EXOC3L2: variants seen among roughly 807,000 people sequenced by gnomAD.
EXOC3L2 encodes exocyst complex component 3 like 2, also known as exocyst complex component 3-like protein 2.
In EXOC3L2, 17 loss-of-function variants were observed where a neutral mutation model predicts 44.4. The observed-to-expected ratio is 0.38, with a 90% CI of 0.26 to 0.57. The LOEUF (loss-of-function observed/expected upper bound fraction) is 0.57. Ranked by LOEUF, EXOC3L2 falls within the 20% of genes least tolerant of loss-of-function variation. The pLI, the probability that EXOC3L2 is intolerant of heterozygous loss-of-function variation, is 0.65. For synonymous variants in EXOC3L2, 256 were observed against 253.7 expected (o/e 1.01, Z -0.09); for missense variants, 541 against 588.4 (o/e 0.92, Z 0.83).
At chr19:45,223,757 C>T (rs184865791) in intron 8 of EXOC3L2, among the ~76,000 whole-genome samples, 5 of 150,076 alleles carry the variant, frequency 3.3e-5, no homozygotes, top group African/African-American at 1.2e-4. Flanking sequence ...TTTGGGAGGC[C>T]GAGGTGGGCA....
chr19:45,230,739 C>T (rs1043475047), intron 4 of EXOC3L2, among the ~76,000 whole-genome samples: 1 of 152,104 alleles, frequency 6.6e-6, no homozygotes. Flanking sequence ...TTCTGTGTTT[C>T]AAGAACTCCA....
In EXOC3L2 at chr19:45,212,985, C is replaced by CAG; in HGVS notation, c.*82_*83dup. On this transcript the variant is annotated 3_prime_UTR_variant, in exon 12 of 12. Coordinates refer to ENST00000413988, the MANE Select transcript of EXOC3L2 (RefSeq NM_001382422.1). ...TATCCCAGGGGTGTGTGGTCCCAGG[C>CAG]AGGGAGTCAGGAGGGGCGCCGTACG... 1 of 1,369,092 alleles carries CAG rather than the reference C, an allele frequency of 7.3e-7. No individual in the cohort carries two copies. Among genetic ancestry groups the CAG allele is most frequent in the Non-Finnish European group, 9.5e-7 (1 of 1,054,200 alleles). 84.8% of individuals were successfully genotyped at this position (1,369,092 alleles called of 1,614,324 possible).
At chr19:45,230,231 G>T (rs1003238174) in intron 4 of EXOC3L2, among the ~76,000 whole-genome samples, 1 of 151,316 alleles carries the variant, frequency 6.6e-6, no homozygotes, top group Non-Finnish European at 1.5e-5. Context: ...GTTTTGTTTT[G>T]TTTTTGAGAT....
rs1001941007 is a variant in EXOC3L2 at position 45,224,911 on chromosome 19, G to C, written c.1586C>G (p.Ala529Gly). The change falls in exon 8 of 12, where the codon GCT becomes GGT. Residue 529 changes from alanine to glycine, a missense_variant and splice_region_variant. Ala to Gly is a moderately conservative substitution (Grantham distance 60). Transcript: ENST00000413988. ...ALVNCGPPLR[A>G]LAERLARVGP... is the part of the protein sequence containing the mutation. The stretch of plus-strand genomic sequence containing the variant: ...CACCCGGGCCAGGCGCTCGGCCAGA[G>C]CTCTGTGGGGATCAACAGAGCCAAA... The C allele has an allele frequency of 1.3e-6, 2 of 1,528,832 alleles. No individual in the cohort carries two copies. The highest frequency in any genetic ancestry group is 1.3e-5 in the South Asian group (1 of 78,558). 94.7% of individuals were successfully genotyped at this position (1,528,832 alleles called of 1,614,324 possible).
At chr19:45,217,783 A>T (rs1428779185) in intron 9 of EXOC3L2, 100 bp from the exon 10 acceptor site, 1 of 1,309,528 alleles carries the variant, frequency 7.6e-7, no homozygotes, top group Non-Finnish European at 9.8e-7. Context: ...GCCCACATCC[A>T]CTCCGGGCAC....
chr19:45,242,291 A>C lies in EXOC3L2; in HGVS notation c.-17+3050T>G, dbSNP rs56170530. On this transcript the variant is annotated intron_variant, in intron 1 of 11. Coordinates refer to ENST00000413988, the MANE Select transcript of EXOC3L2 (RefSeq NM_001382422.1). ...TGTTGCTTTTGTCTTTAGAGACAGG[A>C]TCTCACTCTGTTGCCCAGGCTGGAG... Among the ~76,000 whole-genome samples the C allele has an allele frequency of 7.8e-3, 1,191 of 152,198 alleles. 22 individuals are homozygous for C. The highest frequency in any genetic ancestry group is 0.027 in the African/African-American group (1,125 of 41,534).
rs1969789370 is a variant in EXOC3L2 at position 45,212,806 on chromosome 19, C to G, written c.*263G>C. On this transcript the variant is annotated 3_prime_UTR_variant, in exon 12 of 12. Transcript: ENST00000413988. Reference sequence around the variant, plus strand: ...ATAGGGGGCAGGTCTCACTATGTTGCCCAGGCTGGTCTTGAACTCCTGGGC... The same window carrying G: ...ATAGGGGGCAGGTCTCACTATGTTGGCCAGGCTGGTCTTGAACTCCTGGGC... 2.4e-6 allele frequency: 1 copy of G among 408,338 alleles called. No individual in the cohort carries two copies. The highest frequency in any genetic ancestry group is 4.3e-6 in the Non-Finnish European group (1 of 233,382). 25.3% of individuals were successfully genotyped at this position (408,338 alleles called of 1,614,324 possible).
At chr19:45,240,902 T>C (rs528302268) in intron 1 of EXOC3L2, among the ~76,000 whole-genome samples, 126 of 152,114 alleles carry the variant, frequency 8.3e-4, no homozygotes, top group Non-Finnish European at 1.5e-3. Flanking sequence ...AGACTCAGTC[T>C]CAAAAAATAA....
intron 8 of EXOC3L2, among the ~76,000 whole-genome samples, chr19:45,220,644 C>T (rs1392200107): frequency 6.6e-6 from 1 of 151,782 alleles, no homozygotes; most frequent in Non-Finnish European, 1.5e-5. Context: ...GGGGTTTATT[C>T]CAGGCATAAG....
Position 45,234,504 on chromosome 19 carries a change from G to A in EXOC3L2, c.846C>T (p.Ala282=). ...CGGCCCAGCGTGCGCGTAGTTTGCGGGCCGCCCCGGGACCCCGACGCCCGT... is the reference window on the plus strand; with the variant it reads ...CGGCCCAGCGTGCGCGTAGTTTGCGAGCCGCCCCGGGACCCCGACGCCCGT... ...AADGRRGPGA[A]RKLRARWAEA... Residue 282 remains alanine (A), a synonymous_variant, in exon 3 of 12, where the codon GCC becomes GCT. Coordinates refer to ENST00000413988, the MANE Select transcript of EXOC3L2 (RefSeq NM_001382422.1). This position sits in a 1 kb window ranked among gnomAD's most constrained non-coding sequence, Gnocchi z 5.0. 4.1e-6 allele frequency: 1 copy of A among 246,302 alleles called. No individual in the cohort carries two copies. The allele number at this position is 246,302 out of a possible 1,614,324, so 15.3% of individuals were successfully genotyped here.
At chr19:45,230,458 T>C (rs910832412) in intron 4 of EXOC3L2, among the ~76,000 whole-genome samples, 18 of 152,252 alleles carry the variant, frequency 1.2e-4, no homozygotes, top group African/African-American at 4.3e-4. Context: ...GACCTCGTGA[T>C]CCACCCGCCT....
chr19:45,217,818 C>A, intron 9 of EXOC3L2, 135 bp from the exon 10 acceptor site: 1 of 1,051,512 alleles, frequency 9.5e-7, no homozygotes, highest in Non-Finnish European at 1.3e-6. Flanking sequence ...CCCGTGCCCA[C>A]GCCCCAGTCC....
At chr19:45,227,928 T>A in intron 6 of EXOC3L2, 46 bp downstream of exon 6, 3 of 1,591,618 alleles carry the variant, frequency 1.9e-6, no homozygotes, top group Non-Finnish European at 2.6e-6. Context: ...CAGGCCCTGA[T>A]GCCCAACCCC....
chr19:45,218,158 T>A, intron 9 of EXOC3L2, 39 bp downstream of exon 9: 1 of 1,034,898 alleles, frequency 9.7e-7, no homozygotes, highest in Non-Finnish European at 1.3e-6. Flanking sequence ...TCCCCTCTTT[T>A]CCCCCACCCC....
Position 45,217,626 on chromosome 19 carries a change from G to C in EXOC3L2, c.1900C>G (p.Arg634Gly). ...GCCGAGCTGCAGCGCAGGCGCCCACGGAGCAGGGGCCGCACGTACTCGACC... is the reference window on the plus strand; with the variant it reads ...GCCGAGCTGCAGCGCAGGCGCCCACCGAGCAGGGGCCGCACGTACTCGACC... Reference protein sequence around the residue: ...ALVEYVRPLLRGRLRCSSART... With the variant: ...ALVEYVRPLLGGRLRCSSART... The change falls in exon 10 of 12, where the codon CGT (arginine) becomes GGT (glycine). Residue 634 changes from arginine (R) to glycine (G), a missense_variant. By Grantham distance (125) the Arg-to-Gly change is moderately radical. Coordinates refer to ENST00000413988, the MANE Select transcript of EXOC3L2 (RefSeq NM_001382422.1). The C allele has an allele frequency of 6.7e-7, 1 of 1,490,634 alleles. No homozygotes were observed. The highest frequency in any genetic ancestry group is 1.3e-5 in the South Asian group (1 of 77,100). The allele number at this position is 1,490,634 out of a possible 1,614,324, so 92.3% of individuals were successfully genotyped here.
At position 45,226,747 on chromosome 19, in the gene EXOC3L2, C is replaced by CTTTTT. The variant is rs957385712; in HGVS notation, c.1583+910_1583+914dup. 1.1e-3 allele frequency among the ~76,000 whole-genome samples: 98 copies of CTTTTT among 90,646 alleles called. 8 individuals are homozygous for CTTTTT. Among genetic ancestry groups the CTTTTT allele is most frequent in the African/African-American group, 4.1e-3 (67 of 16,268 alleles). 59.5% of individuals were successfully genotyped at this position (90,646 alleles called of 152,430 possible). A position where few individuals can be genotyped will look rare whatever the true frequency, so the allele number is the denominator to read the frequency against. On this transcript the variant is annotated intron_variant, in intron 7 of 11. Coordinates refer to ENST00000413988, the MANE Select transcript of EXOC3L2 (RefSeq NM_001382422.1). ...CACTGTGCCCAGCTGACTCCCATCTCTTTTTTTTTTTTTTTTTTTTTTTGA... is the reference window on the plus strand; with the variant it reads ...CACTGTGCCCAGCTGACTCCCATCTCTTTTTTTTTTTTTTTTTTTTTTTTTTTTGA...
At chr19:45,216,517 T>C (rs1410801944) in intron 10 of EXOC3L2, among the ~76,000 whole-genome samples, 1 of 151,998 alleles carries the variant, frequency 6.6e-6, no homozygotes, top group Admixed American at 6.6e-5. Flanking sequence ...AGGCAGAGGT[T>C]ACAGTGAGCG....
Position 45,231,830 on chromosome 19 carries a change from T to C in EXOC3L2, c.1202A>G (p.Glu401Gly). ...LVDMAALENG[E>G]LGPLLSPGTL... ...GCCAGGGGAGAGAAGGGGCCCCAGC[T>C]CCCCATTCTCCAGGGCGGCCATGTC... The change falls in exon 4 of 12, where the codon GAG (glutamate) becomes GGG (glycine). Residue 401 changes from glutamate (E) to glycine (G), a missense_variant. Transcript: ENST00000413988. 6.2e-7 allele frequency: 1 copy of C among 1,609,704 alleles called. No individual in the cohort carries two copies. Among genetic ancestry groups the C allele is most frequent in the Non-Finnish European group, 8.5e-7 (1 of 1,176,572 alleles).
rs142778658 is a variant in EXOC3L2, at chr19:45,213,911, G to A, written c.2121-554C>T. On this transcript the variant is annotated intron_variant, in intron 11 of 11. Transcript: ENST00000413988. ...AGAGGTTGCAGTGAGCTGAGATCGCGCCACTGCAGTCCAGCCTGGGTGACA... is the reference window on the plus strand; with the variant it reads ...AGAGGTTGCAGTGAGCTGAGATCGCACCACTGCAGTCCAGCCTGGGTGACA... Among the ~76,000 whole-genome samples, 338 of 151,860 alleles carry A rather than the reference G, an allele frequency of 2.2e-3. 11 individuals carry two copies. In the East Asian group the frequency reaches 0.05, roughly 22 times the overall value.
Sources: allele counts gnomAD v4.1 joint callset (sites outside exome capture counted in the v4.1 genomes callset), GRCh38; gene constraint gnomAD v4.1.1; non-coding constraint Gnocchi (gnomAD v3.1); transcripts MANE v1.5; gene names NCBI Gene and HGNC (gene_info 2026-07-23, HGNC 2026-07-21).